UBQLN1: variants seen among roughly 807,000 people sequenced by gnomAD.
The protein encoded by UBQLN1 is ubiquilin 1.
UBQLN1 carries 13 observed loss-of-function variants against 65.4 expected under a neutral mutation model. The ratio of observed to expected loss-of-function variants is 0.20; its 90% CI spans 0.13 to 0.32. The LOEUF is 0.32. UBQLN1 is among the 10% of genes least tolerant of loss of function. UBQLN1 has a pLI of 1.00. For missense variants in UBQLN1, 561 were observed against 724.0 expected (o/e 0.77, Z 2.58); for synonymous variants, 267 against 247.8 (o/e 1.08, Z -0.73).
At chr9:83,663,835 C>T in intron 10 of UBQLN1, 40 bp downstream of exon 10, 1 of 1,579,884 alleles carries the variant, frequency 6.3e-7, no homozygotes, top group Non-Finnish European at 8.6e-7. Context: ...AAATTTCCAA[C>T]ATTAAGGAAT....
At chr9:83,667,625 C>T in intron 7 of UBQLN1, 1 of 985,352 alleles carries the variant, frequency 1.0e-6, no homozygotes. Flanking sequence ...TTATCATCAA[C>T]ATATTAACGA....
chr9:83,663,991 T>A lies in UBQLN1; in HGVS notation c.1501A>T (p.Asn501Tyr). 6.2e-7 allele frequency: 1 copy of A among 1,614,160 alleles called. No homozygotes were observed. The highest frequency in any genetic ancestry group is 8.5e-7 in the Non-Finnish European group (1 of 1,180,010). The change falls in exon 10 of 11, where the codon AAT (asparagine) becomes TAT (tyrosine). Residue 501 changes from asparagine (N) to tyrosine (Y), a missense_variant. Asn to Tyr is a moderately radical substitution (Grantham distance 143). This residue lies in a region of UBQLN1 where 68 missense variants were observed against 62.2 expected (regional missense o/e 1.09). Coordinates refer to ENST00000376395, the MANE Select transcript of UBQLN1 (RefSeq NM_013438.5). The part of the protein sequence containing the change: ...LGSTGGSSGT[N>Y]GSNATPSENT... The stretch of plus-strand genomic sequence containing the variant: ...TCACTAGGTGTGGCGTTAGATCCAT[T>A]AGTTCCCGAAGAGCCTCCAGTGCTT...
chr9:83,666,811 A>G (rs1269283364), intron 7 of UBQLN1: 1 of 178,660 alleles, frequency 5.6e-6, no homozygotes, highest in Non-Finnish European at 1.2e-5. Context: ...ATAAACATAA[A>G]CATCAATACA....
At chr9:83,663,097 G>A (rs1179392826) in intron 10 of UBQLN1, among the ~76,000 whole-genome samples, 1 of 149,416 alleles carries the variant, frequency 6.7e-6, no homozygotes, top group Non-Finnish European at 1.5e-5. Flanking sequence ...AAGGCAAAGA[G>A]GGGAAAGAGG....
chr9:83,697,860 C>T (rs1017110242), intron 1 of UBQLN1, among the ~76,000 whole-genome samples: 3 of 151,416 alleles, frequency 2.0e-5, no homozygotes, highest in African/African-American at 4.8e-5. Flanking sequence ...CTCAGCCTTC[C>T]GAGTAGCTGG....
At chr9:83,678,383 A>T (rs769987155) in intron 5 of UBQLN1, 58 bp downstream of exon 5, 4 of 1,548,616 alleles carry the variant, frequency 2.6e-6, no homozygotes, top group Non-Finnish European at 3.5e-6. Flanking sequence ...AATCATACAC[A>T]TATTTGTGTT....
chr9:83,706,326 C>A (rs1832406308), intron 1 of UBQLN1, among the ~76,000 whole-genome samples: 1 of 152,180 alleles, frequency 6.6e-6, no homozygotes, highest in South Asian at 2.1e-4. Context: ...CCAATTCTTT[C>A]AACTTTCCGC....
rs760239913 is a variant in UBQLN1, at chr9:83,663,999, G to A, written c.1493C>T (p.Ser498Leu). 3.7e-5 allele frequency: 59 copies of A among 1,613,950 alleles called. No homozygotes were observed. Among genetic ancestry groups the A allele is most frequent in the Admixed American group, 1.2e-4 (7 of 59,996 alleles). Reference sequence around the variant, plus strand: ...TGTGGCGTTAGATCCATTAGTTCCCGAAGAGCCTCCAGTGCTTCCTAATGC... The same window carrying A: ...TGTGGCGTTAGATCCATTAGTTCCCAAAGAGCCTCCAGTGCTTCCTAATGC... ...LGALGSTGGSSGTNGSNATPS... is the reference protein window; with the variant it reads ...LGALGSTGGSLGTNGSNATPS... The change falls in exon 10 of 11, where the codon TCG becomes TTG. Residue 498 changes from serine to leucine, a missense_variant. This residue lies in a region of UBQLN1 where 68 missense variants were observed against 62.2 expected (regional missense o/e 1.09). Transcript: ENST00000376395.
At chr9:83,698,368 G>A (rs941435289) in intron 1 of UBQLN1, among the ~76,000 whole-genome samples, 2 of 152,144 alleles carry the variant, frequency 1.3e-5, no homozygotes, top group African/African-American at 2.4e-5. Flanking sequence ...CTGAAATGTG[G>A]CTACTTCAAA....
rs1164900829 is a variant in UBQLN1 at position 83,695,732 on chromosome 9, T to G, written c.181-9577A>C. 2.6e-5 allele frequency among the ~76,000 whole-genome samples: 4 copies of G among 152,316 alleles called. No individual in the cohort carries two copies. The Middle Eastern group carries it at 0.01, about 389-fold the overall frequency. On this transcript the variant is annotated intron_variant, in intron 1 of 10. Coordinates refer to ENST00000376395, the MANE Select transcript of UBQLN1 (RefSeq NM_013438.5). ...GACATCAAACTAACTCATAGTTGTATAAATTTACCTGGAAAAATCAGAGTT... is the reference window on the plus strand; with the variant it reads ...GACATCAAACTAACTCATAGTTGTAGAAATTTACCTGGAAAAATCAGAGTT...
intron 2 of UBQLN1, 109 bp downstream of exon 2, chr9:83,685,895 T>C: frequency 1.0e-6 from 1 of 960,836 alleles, no homozygotes; most frequent in East Asian, 2.9e-5. Flanking sequence ...GAATTTTAAC[T>C]ATTTAAATAT....
chr9:83,668,160 GA>G lies in UBQLN1; in HGVS notation c.1248+1024del, dbSNP rs1481811728. 9.1e-6 allele frequency: 9 copies of G among 985,256 alleles called. No individual in the cohort carries two copies. The African/African-American group carries it at 1.6e-4, about 17-fold the overall frequency. 61.0% of individuals were successfully genotyped at this position (985,256 alleles called of 1,614,324 possible). A position where few individuals can be genotyped will look rare whatever the true frequency, so the allele number is the denominator to read the frequency against. ...CCATAAAATGTACCTCCAATATACAGAATCACAGACACAAAAATTCTTCTTA... is the reference window on the plus strand; with the variant it reads ...CCATAAAATGTACCTCCAATATACAGATCACAGACACAAAAATTCTTCTTA... On this transcript the variant is annotated intron_variant, in intron 7 of 10. Transcript: ENST00000376395.
intron 1 of UBQLN1, among the ~76,000 whole-genome samples, chr9:83,706,402 A>G (rs4877799): frequency 0.27 from 40,595 of 152,144 alleles, 6,636 homozygotes; most frequent in East Asian, 0.8. Flanking sequence ...AACAAAAGTG[A>G]TAATTCTGTT....
chr9:83,670,544 T>TA (rs1038497890), intron 6 of UBQLN1, among the ~76,000 whole-genome samples: 6 of 151,464 alleles, frequency 4.0e-5, no homozygotes, highest in Non-Finnish European at 8.8e-5. Context: ...GCCTTCGGTC[T>TA]AAAAAAAAAC....
Position 83,678,569 on chromosome 9 carries a change from T to C in UBQLN1, c.742A>G (p.Met248Val). 1 of 1,612,178 alleles carries C rather than the reference T, an allele frequency of 6.2e-7. No homozygotes were observed. The highest frequency in any genetic ancestry group is 8.5e-7 in the Non-Finnish European group (1 of 1,179,446). ...TCCTGGTTCCTCATCATCTCCTGCA[T>C]CATTGCTGGATTCCTGGCAAGTTCC... The part of the protein sequence containing the change: ...TLELARNPAM[M>V]QEMMRNQDRA... Residue 248 changes from methionine to valine, a missense_variant, in exon 5 of 11, where the codon ATG becomes GTG. Physicochemically the swap from Met to Val is conservative, Grantham distance 21. Transcript: ENST00000376395.
At chr9:83,686,763 T>C (rs1412875876) in intron 1 of UBQLN1, among the ~76,000 whole-genome samples, 1 of 152,062 alleles carries the variant, frequency 6.6e-6, no homozygotes, top group African/African-American at 2.4e-5. Context: ...CTAATGCAAA[T>C]ACCCCAAATA....
chr9:83,690,144 C>G (rs112107390), intron 1 of UBQLN1, among the ~76,000 whole-genome samples: 1 of 152,152 alleles, frequency 6.6e-6, no homozygotes, highest in Admixed American at 6.5e-5. Context: ...ACAAAAAATA[C>G]AATCAACATT....
chr9:83,698,540 C>G (rs1832258132), intron 1 of UBQLN1, among the ~76,000 whole-genome samples: 1 of 152,102 alleles, frequency 6.6e-6, no homozygotes, highest in South Asian at 2.1e-4. Flanking sequence ...AAGGTGGAAG[C>G]AACCCAAGCG....
intron 8 of UBQLN1, 95 bp from the exon 9 acceptor site, chr9:83,665,240 T>TA: frequency 2.2e-6 from 2 of 908,698 alleles, no homozygotes; most frequent in South Asian, 3.5e-5. Context: ...GGAGAAAATC[T>TA]AAAACCTTAC....
Sources: allele counts gnomAD v4.1 joint callset (sites outside exome capture counted in the v4.1 genomes callset), GRCh38; gene constraint gnomAD v4.1.1; regional missense constraint gnomAD v4.1.1; transcripts MANE v1.5; gene names NCBI Gene and HGNC (gene_info 2026-07-23, HGNC 2026-07-21).